The following TOR1AIP1 variants were observed in gnomAD, a reference collection of about 807,000 sequenced individuals.
TOR1AIP1 encodes the protein torsin 1A interacting protein 1, also known as torsin-1A-interacting protein 1.
A neutral mutation model predicts 63.3 loss-of-function variants in TOR1AIP1; 54 were observed. The observed-to-expected ratio is 0.85, with a 90% confidence interval of 0.69 to 1.07. The LOEUF (loss-of-function observed/expected upper bound fraction) is 1.07, where lower values mean the gene tolerates loss of function less well. TOR1AIP1 is among the 50% of genes least tolerant of loss of function. TOR1AIP1 has a pLI of 0.00. For synonymous variants in TOR1AIP1, 294 were observed against 273.5 expected, an observed-to-expected ratio of 1.07 and a Z score of -0.74; for missense variants, 736 against 715.0, an observed-to-expected ratio of 1.03 and a Z score of -0.33.
intron 2 of TOR1AIP1, among the ~76,000 whole-genome samples, chr1:179,887,446 G>A (rs16854902): frequency 0.017 from 2,625 of 151,932 alleles, 93 homozygotes; most frequent in African/African-American, 0.06. Context: ...AAACAACATA[G>A]TAAAAATATC....
intron 3 of TOR1AIP1, among the ~76,000 whole-genome samples, chr1:179,897,552 C>T (rs1648326434): frequency 6.6e-6 from 1 of 152,166 alleles, no homozygotes. Flanking sequence ...CTGTACTATT[C>T]TGATAGCTCA....
chr1:179,887,789 T>G (rs1647953934), intron 2 of TOR1AIP1: 1 of 152,256 alleles, frequency 6.6e-6, no homozygotes, highest in African/African-American at 2.4e-5. Flanking sequence ...TAGTTGTTCT[T>G]AAATGCTTAC....
chr1:179,897,395 CTG>C (rs1373606001), intron 3 of TOR1AIP1, among the ~76,000 whole-genome samples: 5 of 152,122 alleles, frequency 3.3e-5, no homozygotes, highest in African/African-American at 1.2e-4. Context: ...GGAGAAATGA[CTG>C]TTAAATGAAT....
chr1:179,901,683 A>T (rs1648470381), intron 5 of TOR1AIP1, among the ~76,000 whole-genome samples: 1 of 152,184 alleles, frequency 6.6e-6, no homozygotes, highest in South Asian at 2.1e-4. Flanking sequence ...AACTAATCAC[A>T]TTGCCATTGG....
At chr1:179,883,621 G>A (rs1647815643) in intron 1 of TOR1AIP1, 2 of 456,132 alleles carry the variant, frequency 4.4e-6, no homozygotes, top group South Asian at 1.5e-5. Flanking sequence ...CAGTGTGGTG[G>A]TCCCTGCCAA....
chr1:179,914,792 CAAA>C (rs568810002), intron 9 of TOR1AIP1, among the ~76,000 whole-genome samples: 7 of 72,404 alleles, frequency 9.7e-5, no homozygotes, highest in Admixed American at 3.3e-4. Context: ...GACTCTGTCT[CAAA>C]AAAAAAAAAA....
intron 8 of TOR1AIP1, among the ~76,000 whole-genome samples, 163 bp from the exon 9 acceptor site, chr1:179,913,835 C>T (rs1648910172): frequency 6.6e-6 from 1 of 152,206 alleles, no homozygotes; most frequent in Non-Finnish European, 1.5e-5. Context: ...AAGGAGCTCT[C>T]AGTCTAATCG....
intron 3 of TOR1AIP1, among the ~76,000 whole-genome samples, chr1:179,892,495 T>C (rs1648117248): frequency 6.6e-6 from 1 of 150,406 alleles, no homozygotes; most frequent in Non-Finnish European, 1.5e-5. Flanking sequence ...AAAACTTCTT[T>C]GGGAGGCCAA....
chr1:179,909,383 TTTTTGTTTTGTTTTGTTTTGTTTTG>T (rs144067149), intron 8 of TOR1AIP1, among the ~76,000 whole-genome samples: 4 of 147,644 alleles, frequency 2.7e-5, no homozygotes, highest in Non-Finnish European at 4.5e-5. Context: ...TTTTTTCTGT[TTTTTGTTTTGTTTTGTTTTGTTTTG>T]TTTTGTTTTG....
intron 8 of TOR1AIP1, among the ~76,000 whole-genome samples, chr1:179,911,173 T>C (rs1234723132): frequency 6.6e-6 from 1 of 152,194 alleles, no homozygotes; most frequent in East Asian, 1.9e-4. Flanking sequence ...ATGAGGACTT[T>C]AAGATAGAAC....
intron 8 of TOR1AIP1, 31 bp from the exon 9 acceptor site, chr1:179,913,967 G>C (rs1648913689): frequency 1.3e-6 from 2 of 1,585,376 alleles, no homozygotes; most frequent in Non-Finnish European, 1.7e-6. Flanking sequence ...AGCATAAGTT[G>C]ATAGTCTTAT....
In TOR1AIP1 at chr1:179,882,546, G is replaced by A. The variant is rs772669531; in HGVS notation, c.44G>A (p.Trp15Ter). The change falls in exon 1 of 10, where the codon TGG (tryptophan) becomes TAG (stop). Residue 15 changes from tryptophan (W) to a stop codon, truncating the protein, a stop_gained. Coordinates refer to ENST00000606911, the MANE Select transcript of TOR1AIP1 (RefSeq NM_015602.4). LOFTEE classifies it high-confidence loss of function. ...CGGGCAGAGGCGGTGCGGGAAGGAT[G>A]GGGTGTGTACGTCACCCCCAGGGCC... ...GRRAEAVREGWGVYVTPRAPI... is the reference protein window; with the variant it reads ...GRRAEAVREG The A allele has an allele frequency of 2.0e-6, 3 of 1,493,602 alleles. No homozygotes were observed. The African/African-American group carries it at 4.2e-5, about 21-fold the overall frequency. 92.5% of individuals were successfully genotyped at this position (1,493,602 alleles called of 1,614,324 possible).
chr1:179,913,571 T>C (rs1648902395), intron 8 of TOR1AIP1: 1 of 702,236 alleles, frequency 1.4e-6, no homozygotes, highest in Admixed American at 2.0e-5. Context: ...GTCCTTATTT[T>C]CCCCCTCTTT....
At chr1:179,898,864 G>A (rs761110754) in intron 3 of TOR1AIP1, among the ~76,000 whole-genome samples, 24 of 151,306 alleles carry the variant, frequency 1.6e-4, no homozygotes, top group Non-Finnish European at 2.9e-4. Flanking sequence ...AGCTCTTTAA[G>A]AGTAACATGG....
rs192912450 is a variant in TOR1AIP1 at position 179,909,729 on chromosome 1, C to T, written c.907+1056C>T. On this transcript the variant is annotated intron_variant, in intron 8 of 9. Transcript: ENST00000606911. ...GGGATTACAGGCTTGAGCCACTGCG[C>T]CCAGCCTTTCTGGGTTTTTGGGGGT... 2.0e-5 allele frequency among the ~76,000 whole-genome samples: 3 copies of T among 152,162 alleles called. No individual in the cohort carries two copies. The East Asian group carries it at 5.8e-4, about 29-fold the overall frequency.
intron 3 of TOR1AIP1, among the ~76,000 whole-genome samples, chr1:179,896,423 C>T (rs1159966956): frequency 2.0e-5 from 3 of 151,756 alleles, no homozygotes; most frequent in Non-Finnish European, 2.9e-5. Flanking sequence ...CATTTTTAAA[C>T]ACCTTCTTTA....
Position 179,919,854 on chromosome 1 carries a change from T to C in TOR1AIP1, c.*1615T>C, listed in dbSNP as rs1171075529. 2 of 152,238 alleles carry C rather than the reference T, an allele frequency of 1.3e-5. No homozygotes were observed. The highest frequency in any genetic ancestry group is 6.5e-5 in the Admixed American group (1 of 15,284). 9.4% of individuals were successfully genotyped at this position (152,238 alleles called of 1,614,324 possible). ...CTTAGAAGTCAGATCATCTGATTTA[T>C]AGAGGATTATGAAAACCAGAGTTTT... On this transcript the variant is annotated 3_prime_UTR_variant, in exon 10 of 10. Coordinates refer to ENST00000606911, the MANE Select transcript of TOR1AIP1 (RefSeq NM_015602.4).
At chr1:179,884,790 G>A in intron 2 of TOR1AIP1, 21 bp downstream of exon 2, 6 of 1,568,876 alleles carry the variant, frequency 3.8e-6, no homozygotes, top group Non-Finnish European at 4.3e-6. Flanking sequence ...TTAACTTTTT[G>A]TTTTTCTCCT....
chr1:179,882,891 T>C lies in TOR1AIP1; in HGVS notation c.389T>C (p.Leu130Pro). The change falls in exon 1 of 10, where the codon CTT becomes CCT. Residue 130 changes from leucine to proline, a missense_variant. Coordinates refer to ENST00000606911, the MANE Select transcript of TOR1AIP1 (RefSeq NM_015602.4). ...EEMKTRRTTR[L>P]QQQHSEQPPL... ...ATGAAGACGCGAAGGACTACCCGCC[T>C]TCAGCAGCAGCACTCAGAGCAGCCT... The C allele has an allele frequency of 1.2e-6, 2 of 1,614,106 alleles. No individual in the cohort carries two copies. Among genetic ancestry groups the C allele is most frequent in the South Asian group, 2.2e-5 (2 of 91,080 alleles).
Sources: allele counts gnomAD v4.1 joint callset (sites outside exome capture counted in the v4.1 genomes callset), GRCh38; gene constraint gnomAD v4.1.1; transcripts MANE v1.5; gene names NCBI Gene and HGNC (gene_info 2026-07-23, HGNC 2026-07-21).